BRK1: variants seen among roughly 807,000 people sequenced by gnomAD.
The protein encoded by BRK1 is protein BRICK1.
Under a neutral mutation model 9.9 loss-of-function variants are expected in BRK1, and 6 were observed. That is an observed-to-expected ratio of 0.60 (90% CI 0.33 to 1.19). The LOEUF (loss-of-function observed/expected upper bound fraction) is 1.19. Ranked by LOEUF, BRK1 falls within the 50% of genes most tolerant of loss-of-function variation. The pLI is 0.04. For synonymous variants in BRK1, 44 were observed against 31.9 expected, an observed-to-expected ratio of 1.38 and a Z score of -1.28; for missense variants, 62 against 97.5, an observed-to-expected ratio of 0.64 and a Z score of 1.53.
Position 10,126,436 on chromosome 3 carries a change from CT to C in BRK1, c.*144del. The C allele has an allele frequency of 1.3e-6, 1 of 754,512 alleles. No homozygotes were observed. 46.7% of individuals were successfully genotyped at this position (754,512 alleles called of 1,614,324 possible). A position where few individuals can be genotyped will look rare whatever the true frequency, so the allele number is the denominator to read the frequency against. On this transcript the variant is annotated 3_prime_UTR_variant, in exon 3 of 3. Transcript: ENST00000530758. Reference sequence around the variant, plus strand: ...GTTTTTCTTTTTTCAAAAGTGTGGCCTTTGGGCTCTGCCATCTGGGGTGTGG... The same window carrying C: ...GTTTTTCTTTTTTCAAAAGTGTGGCCTTGGGCTCTGCCATCTGGGGTGTGG...
At chr3:10,117,279 C>T (rs546208250) in intron 1 of BRK1, among the ~76,000 whole-genome samples, 1 of 151,746 alleles carries the variant, frequency 6.6e-6, no homozygotes, top group African/African-American at 2.4e-5. Context: ...TGTCCCTTTT[C>T]TTGCTTTATA....
Position 10,125,722 on chromosome 3 carries a change from G to A in BRK1, c.201+14G>A, listed in dbSNP as rs1360508817. The A allele has an allele frequency of 2.5e-6, 4 of 1,573,452 alleles. No homozygotes were observed. The highest frequency in any genetic ancestry group is 3.5e-5 in the Admixed American group (2 of 57,892). ...ATTGAAGCTCGGGTGAGTTTGATGG[G>A]CAAGGGCATTCCAGAGAGAATGCAC... On this transcript the variant is annotated intron_variant, in intron 2 of 2. Transcript: ENST00000530758.
intron 1 of BRK1, among the ~76,000 whole-genome samples, chr3:10,124,886 T>C (rs1325518274): frequency 2.6e-5 from 4 of 152,182 alleles, no homozygotes; most frequent in Non-Finnish European, 5.9e-5. Context: ...AATGGCAGAT[T>C]GCATCCCCTT....
intron 1 of BRK1, among the ~76,000 whole-genome samples, chr3:10,117,683 C>T (rs1044827140): frequency 6.6e-6 from 1 of 152,026 alleles, no homozygotes; most frequent in Non-Finnish European, 1.5e-5. Flanking sequence ...AGGCCTGAGC[C>T]ACTGTGCCCT....
At chr3:10,124,415 G>A (rs1376076262) in intron 1 of BRK1, among the ~76,000 whole-genome samples, 1 of 151,612 alleles carries the variant, frequency 6.6e-6, no homozygotes, top group East Asian at 1.9e-4. Context: ...AGCCAAGATT[G>A]CGTCACTGCA....
intron 1 of BRK1, among the ~76,000 whole-genome samples, chr3:10,120,633 C>T (rs994237516): frequency 1.1e-4 from 16 of 152,196 alleles, no homozygotes; most frequent in African/African-American, 3.4e-4. Flanking sequence ...TACTTGTGCT[C>T]TGGTTTCAGA....
At position 10,115,677 on chromosome 3, in the gene BRK1, AGT is replaced by A; in HGVS notation, c.-24_-23del. 1 of 1,584,876 alleles carries A rather than the reference AGT, an allele frequency of 6.3e-7. No homozygotes were observed. Among genetic ancestry groups the A allele is most frequent in the Non-Finnish European group, 8.7e-7 (1 of 1,153,922 alleles). ...GCCTGTAGGGTCGGGGCGCCTGCGC[AGT>A]CGCTCTTCCTCAGGCGGCGGCCATG... On this transcript the variant is annotated 5_prime_UTR_variant, in exon 1 of 3. Transcript: ENST00000530758.
intron 1 of BRK1, among the ~76,000 whole-genome samples, chr3:10,124,473 A>G (rs1234399760): frequency 6.6e-6 from 1 of 151,952 alleles, no homozygotes; most frequent in Admixed American, 6.6e-5. Context: ...AAAAAAACCA[A>G]AAAAACAAAT....
chr3:10,123,437 C>T (rs1262308088), intron 1 of BRK1, among the ~76,000 whole-genome samples: 1 of 131,962 alleles, frequency 7.6e-6, no homozygotes, highest in African/African-American at 3.2e-5. Context: ...TACTTTCTTT[C>T]CTTTTTTTTT....
At chr3:10,117,362 TA>T (rs1044328168) in intron 1 of BRK1, among the ~76,000 whole-genome samples, 2 of 151,310 alleles carry the variant, frequency 1.3e-5, no homozygotes, top group Non-Finnish European at 2.9e-5. Flanking sequence ...AGATAGAGAG[TA>T]AAGACTTTAT....
intron 1 of BRK1, among the ~76,000 whole-genome samples, chr3:10,121,882 C>CTTTTT (rs911888155): frequency 3.2e-4 from 28 of 88,126 alleles, no homozygotes; most frequent in African/African-American, 5.5e-4. Flanking sequence ...CACCCGGCCA[C>CTTTTT]TTTTTTTTTT....
Position 10,124,255 on chromosome 3 carries a change from C to T in BRK1, c.119-1371C>T, listed in dbSNP as rs111708820. Among the ~76,000 whole-genome samples, 23,919 of 150,526 alleles carry T rather than the reference C, an allele frequency of 0.16. 2,425 individuals carry two copies. The highest frequency in any genetic ancestry group is 0.29 in the African/African-American group (11,789 of 41,006). On this transcript the variant is annotated intron_variant, in intron 1 of 2. Coordinates refer to ENST00000530758, the MANE Select transcript of BRK1 (RefSeq NM_018462.5). ...GGATCACGAGGACAAGAGATTGAGA[C>T]AATCCTGGCCAACATGGTGAAACCC...
At chr3:10,125,754 A>C (rs1313048281) in intron 2 of BRK1, 46 bp downstream of exon 2, 1 of 1,377,154 alleles carries the variant, frequency 7.3e-7, no homozygotes, top group Non-Finnish European at 1.0e-6. Flanking sequence ...GCACATTTCC[A>C]CTTATTGCTG....
chr3:10,126,416 T>C lies in BRK1; in HGVS notation c.*121T>C, dbSNP rs1695841637. 3 of 954,932 alleles carry C rather than the reference T, an allele frequency of 3.1e-6. No homozygotes were observed. Among genetic ancestry groups the C allele is most frequent in the East Asian group, 2.7e-5 (1 of 37,692 alleles). 59.2% of individuals were successfully genotyped at this position (954,932 alleles called of 1,614,324 possible). ...GAGCAACAGGGCTTATTCTTGTTTT[T>C]CTTTTTTCAAAAGTGTGGCCTTTGG... is the stretch of plus-strand genomic sequence containing the variant. On this transcript the variant is annotated 3_prime_UTR_variant, in exon 3 of 3. Transcript: ENST00000530758.
chr3:10,126,464 G>A lies in BRK1; in HGVS notation c.*169G>A. 1 of 559,822 alleles carries A rather than the reference G, an allele frequency of 1.8e-6. No individual in the cohort carries two copies. The highest frequency in any genetic ancestry group is 3.1e-6 in the Non-Finnish European group (1 of 323,684). The allele number at this position is 559,822 out of a possible 1,614,324, so 34.7% of individuals were successfully genotyped here. Reference sequence around the variant, plus strand: ...TGGGCTCTGCCATCTGGGGTGTGGTGTGGTATGTGGGAAGAAGTTCAGAGG... The same window carrying A: ...TGGGCTCTGCCATCTGGGGTGTGGTATGGTATGTGGGAAGAAGTTCAGAGG... On this transcript the variant is annotated 3_prime_UTR_variant, in exon 3 of 3. Transcript: ENST00000530758.
chr3:10,122,112 T>C (rs966023098), intron 1 of BRK1, among the ~76,000 whole-genome samples: 2 of 151,224 alleles, frequency 1.3e-5, no homozygotes, highest in African/African-American at 4.9e-5. Context: ...TTAGTAGGTA[T>C]GGGGTTTCTC....
At chr3:10,121,963 C>T (rs1695762959) in intron 1 of BRK1, among the ~76,000 whole-genome samples, 1 of 146,614 alleles carries the variant, frequency 6.8e-6, no homozygotes, top group African/African-American at 2.5e-5. Flanking sequence ...AGTCTTGACT[C>T]TCTGCAACCT....
chr3:10,124,119 T>A (rs934957265), intron 1 of BRK1, among the ~76,000 whole-genome samples: 1 of 152,104 alleles, frequency 6.6e-6, no homozygotes, highest in Non-Finnish European at 1.5e-5. Flanking sequence ...AGTAAATGGC[T>A]GTACAGCCTT....
chr3:10,116,699 TG>T (rs1240641731), intron 1 of BRK1, among the ~76,000 whole-genome samples: 1 of 152,182 alleles, frequency 6.6e-6, no homozygotes, highest in Admixed American at 6.5e-5. Flanking sequence ...TTTAAATGAA[TG>T]ATTCTCTAAC....
Sources: allele counts gnomAD v4.1 joint callset (sites outside exome capture counted in the v4.1 genomes callset), GRCh38; gene constraint gnomAD v4.1.1; transcripts MANE v1.5; gene names NCBI Gene and HGNC (gene_info 2026-07-23, HGNC 2026-07-21).